Variants in MEGF6 observed in about 807,000 individuals in gnomAD.
The protein encoded by MEGF6 is multiple EGF like domains 6, also known as multiple epidermal growth factor-like domains protein 6.
A neutral mutation model predicts 207.1 loss-of-function variants in MEGF6; 184 were observed. That is an observed-to-expected ratio of 0.89 (90% CI 0.79 to 1.00). The LOEUF (loss-of-function observed/expected upper bound fraction) is 1.00. MEGF6 is among the 50% of genes least tolerant of loss of function. MEGF6 has a pLI of 0.00. For missense variants in MEGF6, 2,282 were observed against 2,202.9 expected (o/e 1.04, Z -0.72); for synonymous variants, 1,038 against 910.0 (o/e 1.14, Z -2.53).
chr1:3,529,115 C>T (rs1642061970), intron 4 of MEGF6, among the ~76,000 whole-genome samples: 1 of 152,174 alleles, frequency 6.6e-6, no homozygotes, highest in Non-Finnish European at 1.5e-5. Context: ...AGCTTGCTCC[C>T]TGGGTTCCCT....
chr1:3,586,143 CTG>C (rs911051615), intron 3 of MEGF6, among the ~76,000 whole-genome samples: 3 of 138,090 alleles, frequency 2.2e-5, no homozygotes, highest in African/African-American at 5.6e-5. Flanking sequence ...GACACATGTC[CTG>C]TGTGTGTGTG....
At chr1:3,570,372 C>T (rs900215515) in intron 4 of MEGF6, among the ~76,000 whole-genome samples, 3 of 152,176 alleles carry the variant, frequency 2.0e-5, no homozygotes, top group African/African-American at 7.2e-5. Flanking sequence ...GGAAGCGGGA[C>T]TCGGGGGATT....
At chr1:3,497,892 G>A (rs1193500103) in intron 26 of MEGF6, among the ~76,000 whole-genome samples, 2 of 152,308 alleles carry the variant, frequency 1.3e-5, no homozygotes, top group South Asian at 2.1e-4. Flanking sequence ...TGGGTGGGAG[G>A]CCGGGGCTTT....
chr1:3,614,907 G>A (rs958848923), upstream of MEGF6, among the ~76,000 whole-genome samples: 1 of 152,200 alleles, frequency 6.6e-6, no homozygotes, highest in Non-Finnish European at 1.5e-5. Flanking sequence ...TCTGTCTCTG[G>A]GTATTTCCAC....
chr1:3,599,262 T>C (rs1261542991), intron 2 of MEGF6, among the ~76,000 whole-genome samples: 2 of 152,208 alleles, frequency 1.3e-5, no homozygotes, highest in Non-Finnish European at 2.9e-5. Context: ...TCATCCAGCC[T>C]GCTGGCCTCC....
At chr1:3,507,636 C>T (rs529480249) in intron 14 of MEGF6, among the ~76,000 whole-genome samples, 159 bp downstream of exon 14, 5 of 152,202 alleles carry the variant, frequency 3.3e-5, no homozygotes, top group Non-Finnish European at 5.9e-5. Flanking sequence ...GCTCTGGAGA[C>T]AGGGAGGCAG....
intron 35 of MEGF6, 81 bp from the exon 36 acceptor site, chr1:3,491,040 T>C: frequency 8.0e-7 from 1 of 1,255,690 alleles, no homozygotes; most frequent in South Asian, 1.5e-5. Flanking sequence ...CGTGACCCCA[T>C]CCAGGCCTTC....
At chr1:3,496,171 T>A (rs1320797339) in intron 29 of MEGF6, among the ~76,000 whole-genome samples, 153 bp from the exon 30 acceptor site, 1 of 152,172 alleles carries the variant, frequency 6.6e-6, no homozygotes, top group Non-Finnish European at 1.5e-5. Context: ...GCACCCACCC[T>A]GGCATCTCCC....
upstream of MEGF6, among the ~76,000 whole-genome samples, chr1:3,611,693 C>G (rs932916966): frequency 6.9e-5 from 10 of 145,452 alleles, no homozygotes; most frequent in Admixed American, 2.8e-4. Context: ...GTATCCCTCA[C>G]CCCAGCCCGG....
At chr1:3,535,695 C>T (rs567050299) in intron 4 of MEGF6, among the ~76,000 whole-genome samples, 175 of 152,296 alleles carry the variant, frequency 1.1e-3, no homozygotes, top group African/African-American at 3.9e-3. Flanking sequence ...CTGCCTTCTG[C>T]CCACGGCTCC....
At chr1:3,558,212 C>T (rs961023343) in intron 4 of MEGF6, among the ~76,000 whole-genome samples, 1 of 152,228 alleles carries the variant, frequency 6.6e-6, no homozygotes, top group African/African-American at 2.4e-5. Context: ...CTCCTTTCTC[C>T]ACTCTGAGGA....
At chr1:3,502,521 C>T (rs910492716) in intron 17 of MEGF6, among the ~76,000 whole-genome samples, 2 of 152,084 alleles carry the variant, frequency 1.3e-5, no homozygotes, top group African/African-American at 4.8e-5. Context: ...CTGCCCTTTC[C>T]CTGTGGGATG....
At chr1:3,555,155 C>T in intron 4 of MEGF6, among the ~76,000 whole-genome samples, 1 of 149,456 alleles carries the variant, frequency 6.7e-6, no homozygotes, top group South Asian at 2.2e-4. Context: ...ACAGGTGGTC[C>T]CCACCACCCA....
upstream of MEGF6, among the ~76,000 whole-genome samples, chr1:3,615,994 C>T (rs900902922): frequency 6.6e-6 from 1 of 152,244 alleles, no homozygotes; most frequent in Non-Finnish European, 1.5e-5. Context: ...AAGACACTAC[C>T]TTTCCATGTT....
intron 3 of MEGF6, among the ~76,000 whole-genome samples, chr1:3,593,131 G>A (rs945170607): frequency 3.3e-5 from 5 of 152,178 alleles, no homozygotes; most frequent in Non-Finnish European, 7.4e-5. Flanking sequence ...CTGGCAGGAC[G>A]GGCCCAAAGC....
chr1:3,575,752 C>G (rs1346607616), intron 4 of MEGF6, among the ~76,000 whole-genome samples: 1 of 152,182 alleles, frequency 6.6e-6, no homozygotes, highest in African/African-American at 2.4e-5. Flanking sequence ...AAAGACCTGC[C>G]CCCATGACTC....
rs778136980 is a variant in MEGF6, at chr1:3,496,644, C to T, written c.3742+11G>A. 61 of 1,574,150 alleles carry T rather than the reference C, an allele frequency of 3.9e-5. No homozygotes were observed. The highest frequency in any genetic ancestry group is 5.2e-5 in the Non-Finnish European group (60 of 1,160,556). On this transcript the variant is annotated intron_variant, in intron 29 of 36. Coordinates refer to ENST00000356575, the MANE Select transcript of MEGF6 (RefSeq NM_001409.4). Reference sequence around the variant, plus strand: ...AGGCGCCACTCAGCACTGCTGCCACCAGCCACTCACTGAGGTTGCAGTCCG... The same window carrying T: ...AGGCGCCACTCAGCACTGCTGCCACTAGCCACTCACTGAGGTTGCAGTCCG...
At chr1:3,530,987 C>A in intron 4 of MEGF6, 1 of 1,384,508 alleles carries the variant, frequency 7.2e-7, no homozygotes. Flanking sequence ...GCAGGCAGCG[C>A]CCTGGCGCAA....
At chr1:3,522,720 C>T (rs1408070022) in intron 5 of MEGF6, among the ~76,000 whole-genome samples, 1 of 152,080 alleles carries the variant, frequency 6.6e-6, no homozygotes, top group Non-Finnish European at 1.5e-5. Context: ...AAGGCCCCCC[C>T]ACTCACAGTA....
Sources: gnomAD v4.1 joint callset for allele counts (sites outside exome capture counted in the v4.1 genomes callset) on GRCh38, gnomAD v4.1.1 for gene constraint, MANE v1.5 for transcripts, NCBI Gene and HGNC (gene_info 2026-07-23, HGNC 2026-07-21) for gene names.